The following ATP10B variants were observed in gnomAD, a reference collection of about 807,000 sequenced individuals.
ATP10B encodes phospholipid-transporting ATPase VB.
In ATP10B, 122 loss-of-function variants were observed where a neutral mutation model predicts 141.2. The observed-to-expected ratio is 0.86, with a 90% CI of 0.75 to 1.00. The LOEUF (loss-of-function observed/expected upper bound fraction) is 1.00. ATP10B is among the 50% of genes least tolerant of loss of function. The pLI, the probability that ATP10B is intolerant of heterozygous loss-of-function variation, is 0.00. For missense variants in ATP10B, 1,876 were observed against 1,825.3 expected, an observed-to-expected ratio of 1.03 and a Z score of -0.51; for synonymous variants, 685 against 692.0, an observed-to-expected ratio of 0.99 and a Z score of 0.16.
chr5:160,913,713 T>C, the ATP10B span, among the ~76,000 whole-genome samples: 1 of 152,178 alleles, frequency 6.6e-6, no homozygotes, highest in Non-Finnish European at 1.5e-5. Context: ...TTCTTTATGC[T>C]CTTGCACTTT....
intron 2 of ATP10B, among the ~76,000 whole-genome samples, chr5:160,780,949 A>T (rs1313880360): frequency 1.3e-5 from 2 of 152,212 alleles, no homozygotes; most frequent in East Asian, 3.8e-4. Context: ...TGCCATGAAA[A>T]TGATGAAATT....
chr5:160,846,981 A>G (rs116105795), intron 1 of ATP10B, among the ~76,000 whole-genome samples: 1 of 152,312 alleles, frequency 6.6e-6, no homozygotes, highest in African/African-American at 2.4e-5. Context: ...GGCAGATAGT[A>G]AGTACTCAGT....
chr5:160,822,970 T>C (rs549019004), intron 1 of ATP10B, among the ~76,000 whole-genome samples: 36 of 116,654 alleles, frequency 3.1e-4, no homozygotes, highest in Non-Finnish European at 5.7e-4. Context: ...AGGGTGACTA[T>C]AGTAAAAAAT....
intron 7 of ATP10B, among the ~76,000 whole-genome samples, chr5:160,651,007 G>A (rs539366603): frequency 4.8e-4 from 73 of 152,262 alleles, no homozygotes; most frequent in Non-Finnish European, 8.7e-4. Context: ...TTATAAAAAT[G>A]CTGTGAAAAT....
chr5:160,900,781 A>G, the ATP10B span, among the ~76,000 whole-genome samples: 4 of 137,226 alleles, frequency 2.9e-5, no homozygotes, highest in African/African-American at 1.0e-4. Flanking sequence ...GGGATGGTAG[A>G]TAAGATTTAC....
intron 1 of ATP10B, among the ~76,000 whole-genome samples, chr5:160,815,213 C>G (rs1460485853): frequency 6.6e-6 from 1 of 152,078 alleles, no homozygotes. Flanking sequence ...AGAGTCAAGA[C>G]CCATCAGTGT....
At chr5:160,880,938 C>G in the ATP10B span, among the ~76,000 whole-genome samples, 1 of 152,078 alleles carries the variant, frequency 6.6e-6, no homozygotes, top group Admixed American at 6.6e-5. Context: ...AATTGATAAG[C>G]TAGACTTTAT....
chr5:160,646,812 G>A (rs1339765686), intron 8 of ATP10B, among the ~76,000 whole-genome samples: 1 of 152,172 alleles, frequency 6.6e-6, no homozygotes, highest in African/African-American at 2.4e-5. Flanking sequence ...TATAGCTGTT[G>A]TCTATTTAGC....
rs1459206861 is a variant in ATP10B at position 160,712,779 on chromosome 5, C to T, written c.-205+4130G>A. On this transcript the variant is annotated intron_variant, in intron 3 of 25. Transcript: ENST00000327245. The stretch of plus-strand genomic sequence containing the variant: ...GCTATAAACTTCTCTCTACACACTG[C>T]TTTGAATGCGTCCCAGAGATTCTGG... Among the ~76,000 whole-genome samples, 6 of 26,398 alleles carry T rather than the reference C, an allele frequency of 2.3e-4. 3 individuals are homozygous for T. The highest frequency in any genetic ancestry group is 3.8e-4 in the Non-Finnish European group (6 of 15,850). 17.3% of individuals were successfully genotyped at this position (26,398 alleles called of 152,430 possible).
At chr5:160,847,397 A>G (rs1379808036) in intron 1 of ATP10B, among the ~76,000 whole-genome samples, 1 of 152,204 alleles carries the variant, frequency 6.6e-6, no homozygotes, top group African/African-American at 2.4e-5. Flanking sequence ...AGCTGATAAC[A>G]GCTTCTGATT....
intron 2 of ATP10B, among the ~76,000 whole-genome samples, chr5:160,777,215 G>A (rs1770398101): frequency 6.6e-6 from 1 of 152,216 alleles, no homozygotes. Flanking sequence ...CCTAAAGTGG[G>A]CACCCATGGC....
chr5:160,798,461 A>C (rs769759363), intron 1 of ATP10B, among the ~76,000 whole-genome samples: 4 of 152,316 alleles, frequency 2.6e-5, no homozygotes, highest in East Asian at 1.9e-4. Context: ...CAGACAGGGA[A>C]GAAGGCCCCA....
chr5:160,916,394 G>A, the ATP10B span, among the ~76,000 whole-genome samples: 1 of 152,234 alleles, frequency 6.6e-6, no homozygotes, highest in Non-Finnish European at 1.5e-5. Context: ...GAAGGCAAAA[G>A]ATGTTTTTTT....
rs76200339 is a variant in ATP10B at position 160,722,702 on chromosome 5, A to G, written c.-330-5668T>C. ...GCATCTGCCATCACTGGGAACATCC[A>G]ACACTCTTCACCCTGACAAGGGGCC... is the stretch of plus-strand genomic sequence containing the variant. On this transcript the variant is annotated intron_variant, in intron 2 of 25. Coordinates refer to ENST00000327245, the MANE Select transcript of ATP10B (RefSeq NM_025153.3). Among the ~76,000 whole-genome samples, 922 of 152,300 alleles carry G rather than the reference A, an allele frequency of 6.1e-3. 13 individuals carry two copies. Among genetic ancestry groups the G allele is most frequent in the African/African-American group, 0.021 (882 of 41,560 alleles).
the ATP10B span, among the ~76,000 whole-genome samples, chr5:160,915,003 C>T: frequency 2.0e-5 from 3 of 152,200 alleles, no homozygotes; most frequent in East Asian, 5.8e-4. Context: ...AGTTTAGGGG[C>T]TTAGAAGTGG....
intron 3 of ATP10B, among the ~76,000 whole-genome samples, chr5:160,701,127 C>G (rs1339041835): frequency 6.6e-6 from 1 of 152,086 alleles, no homozygotes; most frequent in Non-Finnish European, 1.5e-5. Context: ...GTTTTGCCCC[C>G]TCTAGTCTCT....
chr5:160,721,507 C>G (rs1300320908), intron 2 of ATP10B, among the ~76,000 whole-genome samples: 1 of 152,124 alleles, frequency 6.6e-6, no homozygotes, highest in Non-Finnish European at 1.5e-5. Flanking sequence ...ACTTTTAAAT[C>G]TCTGTCATTT....
intron 2 of ATP10B, among the ~76,000 whole-genome samples, chr5:160,768,502 A>G (rs1324702153): frequency 6.6e-6 from 1 of 152,184 alleles, no homozygotes; most frequent in Non-Finnish European, 1.5e-5. Flanking sequence ...TTCCAGGTCC[A>G]TAGAGAATTC....
intron 24 of ATP10B, among the ~76,000 whole-genome samples, chr5:160,582,978 C>T (rs1755652320): frequency 6.6e-6 from 1 of 152,158 alleles, no homozygotes; most frequent in Non-Finnish European, 1.5e-5. Flanking sequence ...AGCCATCCCT[C>T]TAATCTTTTT....
Sources: gnomAD v4.1 joint callset for allele counts (sites outside exome capture counted in the v4.1 genomes callset) on GRCh38, gnomAD v4.1.1 for gene constraint, MANE v1.5 for transcripts, NCBI Gene and HGNC (gene_info 2026-07-23, HGNC 2026-07-21) for gene names.